HCN1: variants seen among roughly 807,000 people sequenced by gnomAD.
HCN1 encodes the protein potassium/sodium hyperpolarization-activated cyclic nucleotide-gated channel 1.
In HCN1, 13 loss-of-function variants were observed where a neutral mutation model predicts 78.9. That is an observed-to-expected ratio of 0.16 (90% confidence interval 0.11 to 0.26). HCN1 has a LOEUF of 0.26. Among genes scored for constraint, HCN1 ranks in the 10% least tolerant of loss-of-function variants. HCN1 has a pLI of 1.00. For synonymous variants in HCN1, 552 were observed against 455.5 expected (o/e 1.21, Z -2.70); for missense variants, 810 against 1,154.3 (o/e 0.70, Z 4.32).
chr5:45,377,497 A>G (rs1579855795), intron 4 of HCN1, among the ~76,000 whole-genome samples: 2 of 152,062 alleles, frequency 1.3e-5, no homozygotes, highest in East Asian at 3.9e-4. Context: ...TTTTTACACA[A>G]TCACTTGCAA....
intron 2 of HCN1, chr5:45,559,087 G>A (rs978510773): frequency 6.6e-6 from 1 of 151,524 alleles, no homozygotes. Flanking sequence ...CAAGCCTATG[G>A]TTTGCTGCAT....
intron 2 of HCN1, among the ~76,000 whole-genome samples, chr5:45,537,565 G>C (rs112175476): frequency 0.083 from 5,606 of 67,150 alleles, 192 homozygotes; most frequent in East Asian, 0.22. Flanking sequence ...TTGAGACAGA[G>C]TTTCGCTCTT....
At chr5:45,393,174 C>G (rs1040387830) in intron 4 of HCN1, among the ~76,000 whole-genome samples, 1 of 152,134 alleles carries the variant, frequency 6.6e-6, no homozygotes, top group Non-Finnish European at 1.5e-5. Context: ...TTAATTTACA[C>G]AATAAAAGTC....
intron 1 of HCN1, among the ~76,000 whole-genome samples, chr5:45,679,891 C>T (rs896766385): frequency 2.6e-5 from 4 of 151,992 alleles, no homozygotes; most frequent in African/African-American, 7.2e-5. Context: ...CTATCTCTTG[C>T]TGTTTGCCTG....
chr5:45,683,632 AAT>A (rs143978853), intron 1 of HCN1, among the ~76,000 whole-genome samples: 11 of 149,902 alleles, frequency 7.3e-5, no homozygotes, highest in Non-Finnish European at 1.2e-4. Context: ...TAGCCAGTTA[AAT>A]ATATATATAT....
At chr5:45,286,127 G>A (rs1351178196) in intron 6 of HCN1, among the ~76,000 whole-genome samples, 1 of 151,938 alleles carries the variant, frequency 6.6e-6, no homozygotes, top group Non-Finnish European at 1.5e-5. Flanking sequence ...TAGGAGACAA[G>A]ACATGGGAGT....
chr5:45,584,438 G>A (rs1305151886), intron 2 of HCN1, among the ~76,000 whole-genome samples: 3 of 152,094 alleles, frequency 2.0e-5, no homozygotes, highest in Non-Finnish European at 4.4e-5. Context: ...CACGTGAGAT[G>A]GGTTTCCTGA....
intron 2 of HCN1, among the ~76,000 whole-genome samples, chr5:45,517,935 A>C (rs570016004): frequency 4.3e-4 from 65 of 152,178 alleles, no homozygotes; most frequent in Admixed American, 2.8e-3. Flanking sequence ...CTGTAATATA[A>C]GTTACTTGCT....
In HCN1 at chr5:45,598,505, G is replaced by A. The variant is rs577581899; in HGVS notation, c.849+46680C>T. ...GTAGTACCATTCAGGACATACGCAT[G>A]GGCAAAGACTTCATTACTAAAACAC... On this transcript the variant is annotated intron_variant, in intron 2 of 7. Coordinates refer to ENST00000303230, the MANE Select transcript of HCN1 (RefSeq NM_021072.4). 2.0e-5 allele frequency among the ~76,000 whole-genome samples: 3 copies of A among 152,212 alleles called. No individual in the cohort carries two copies. In the East Asian group the frequency reaches 5.8e-4, roughly 29 times the overall value.
chr5:45,431,255 G>A (rs766029510), intron 3 of HCN1, among the ~76,000 whole-genome samples: 3 of 152,110 alleles, frequency 2.0e-5, no homozygotes, highest in Non-Finnish European at 4.4e-5. Flanking sequence ...TTTGAAAAGT[G>A]TCTCTTCATG....
chr5:45,419,214 T>C (rs1362729153), intron 3 of HCN1, among the ~76,000 whole-genome samples: 1 of 152,056 alleles, frequency 6.6e-6, no homozygotes, highest in East Asian at 1.9e-4. Flanking sequence ...GCAACTAGGA[T>C]AGGAAAGCAT....
rs1407951980 is a variant in HCN1, at chr5:45,316,390, A to G, written c.1378-12551T>C. Among the ~76,000 whole-genome samples, 11 of 152,310 alleles carry G rather than the reference A, an allele frequency of 7.2e-5. 1 individual carries two copies. Among genetic ancestry groups the G allele is most frequent in the Admixed American group, 5.9e-4 (9 of 15,296 alleles). On this transcript the variant is annotated intron_variant, in intron 5 of 7. Coordinates refer to ENST00000303230, the MANE Select transcript of HCN1 (RefSeq NM_021072.4). ...CCTTCATGCTAAAAACTCTCAATAAATTAAGTACTGATGGGACGTATTTCA... is the reference window on the plus strand; with the variant it reads ...CCTTCATGCTAAAAACTCTCAATAAGTTAAGTACTGATGGGACGTATTTCA...
chr5:45,309,089 T>C (rs1191452878), intron 5 of HCN1, among the ~76,000 whole-genome samples: 1 of 152,164 alleles, frequency 6.6e-6, no homozygotes, highest in Non-Finnish European at 1.5e-5. Flanking sequence ...ACTTTTCTTG[T>C]CAGCTGTATT....
rs762208113 is a variant in HCN1 at position 45,513,084 on chromosome 5, C to T, written c.850-51077G>A. Reference sequence around the variant, plus strand: ...TAAAGTTGATTATATTTCGAAGACACCCATAGGGCGTTAAGGACACATATG... The same window carrying T: ...TAAAGTTGATTATATTTCGAAGACATCCATAGGGCGTTAAGGACACATATG... On this transcript the variant is annotated intron_variant, in intron 2 of 7. Transcript: ENST00000303230. Among the ~76,000 whole-genome samples the T allele has an allele frequency of 9.3e-4, 141 of 151,978 alleles. 1 individual carries two copies. The highest frequency in any genetic ancestry group is 1.6e-3 in the Non-Finnish European group (109 of 67,992).
Position 45,462,065 on chromosome 5 carries a change from T to C in HCN1, c.850-58A>G, listed in dbSNP as rs571432993. 27 of 1,324,166 alleles carry C rather than the reference T, an allele frequency of 2.0e-5. No individual in the cohort carries two copies. In the African/African-American group the frequency reaches 3.1e-4, roughly 15 times the overall value. 82.0% of individuals were successfully genotyped at this position (1,324,166 alleles called of 1,614,324 possible). A position where few individuals can be genotyped will look rare whatever the true frequency, so the allele number is the denominator to read the frequency against. On this transcript the variant is annotated intron_variant, in intron 2 of 7. Transcript: ENST00000303230. ...ATCAATTTTTTAGAAAAATCAAGCATACTACTGATAGTAGGCATTGATGTT... is the reference window on the plus strand; with the variant it reads ...ATCAATTTTTTAGAAAAATCAAGCACACTACTGATAGTAGGCATTGATGTT...
intron 3 of HCN1, among the ~76,000 whole-genome samples, chr5:45,397,503 C>G (rs938124637): frequency 2.0e-5 from 3 of 151,776 alleles, no homozygotes; most frequent in East Asian, 1.9e-4. Context: ...TGTATCTTAT[C>G]TAATTTTTGT....
chr5:45,267,787 CA>C (rs1292550146), intron 6 of HCN1, among the ~76,000 whole-genome samples: 5 of 151,798 alleles, frequency 3.3e-5, no homozygotes, highest in Admixed American at 6.6e-5. Context: ...ACAACAACAA[CA>C]AAAAAACATG....
chr5:45,506,316 T>A (rs1742299819), intron 2 of HCN1, among the ~76,000 whole-genome samples: 1 of 152,138 alleles, frequency 6.6e-6, no homozygotes, highest in Non-Finnish European at 1.5e-5. Flanking sequence ...AACCACATTT[T>A]CTTATCTGTC....
chr5:45,582,981 C>CT (rs58015637), intron 2 of HCN1, among the ~76,000 whole-genome samples: 78 of 148,868 alleles, frequency 5.2e-4, no homozygotes, highest in South Asian at 3.2e-3. Flanking sequence ...CTAAAATTCT[C>CT]TTTTTTTTTT....
Sources: allele counts gnomAD v4.1 joint callset (sites outside exome capture counted in the v4.1 genomes callset), GRCh38; gene constraint gnomAD v4.1.1; transcripts MANE v1.5; gene names NCBI Gene and HGNC (gene_info 2026-07-23, HGNC 2026-07-21).